Variants in PUDP observed in about 807,000 individuals in gnomAD.
PUDP encodes pseudouridine 5'-phosphatase.
In PUDP, 8 loss-of-function variants were observed where a neutral mutation model predicts 9.4. That is an observed-to-expected ratio of 0.85 (90% CI 0.50 to 1.53). The LOEUF (loss-of-function observed/expected upper bound fraction) is 1.53. Among genes scored for constraint, PUDP ranks in the 40% most tolerant of loss-of-function variants. PUDP has a pLI of 0.00. For missense variants in PUDP, 188 were observed against 189.7 expected, an observed-to-expected ratio of 0.99 and a Z score of 0.05; for synonymous variants, 99 against 80.7, an observed-to-expected ratio of 1.23 and a Z score of -1.22.
intron 1 of PUDP, among the ~76,000 whole-genome samples, chrX:7,138,375 A>AT (rs60028627): frequency 0.01 from 1,040 of 100,507 alleles, 8 homozygotes; most frequent in South Asian, 0.016. Context: ...TTAATCTAGT[A>AT]TTTTTTTTTT....
intron 3 of PUDP, among the ~76,000 whole-genome samples, chrX:6,825,961 C>T (rs1926417588): frequency 8.9e-6 from 1 of 111,878 alleles, no homozygotes; most frequent in South Asian, 3.7e-4. Context: ...TTTGGTCTTA[C>T]TTAGGAAAAC....
rs1030409388 is a variant in PUDP, at chrX:6,805,884, C to T, written c.*248-99418G>A. Reference sequence around the variant, plus strand: ...ATTTTGTATTTCATTTCAAGTGCCACGGTGGACCAAGGGTGAAGTTTGAGC... The same window carrying T: ...ATTTTGTATTTCATTTCAAGTGCCATGGTGGACCAAGGGTGAAGTTTGAGC... On this transcript the variant is annotated intron_variant and NMD_transcript_variant, in intron 3 of 3. Coordinates refer to the PUDP transcript ENST00000655425. Among the ~76,000 whole-genome samples the T allele has an allele frequency of 6.3e-5, 7 of 111,321 alleles. No individual in the cohort carries two copies. In the East Asian group the frequency reaches 2.0e-3, roughly 31 times the overall value.
intron 3 of PUDP, among the ~76,000 whole-genome samples, chrX:6,778,689 CG>C (rs1925507756): frequency 8.9e-6 from 1 of 111,928 alleles, no homozygotes; most frequent in South Asian, 3.7e-4. Context: ...CCGAGGAGGC[CG>C]GGGACCCCTG....
At chrX:6,940,596 T>C (rs998610536) in intron 3 of PUDP, among the ~76,000 whole-genome samples, 2 of 112,001 alleles carry the variant, frequency 1.8e-5, no homozygotes, top group Non-Finnish European at 1.9e-5. Context: ...CTCCAGACTT[T>C]GGCCCTGTAA....
intron 3 of PUDP, among the ~76,000 whole-genome samples, chrX:6,867,855 C>G (rs1927113560): frequency 9.0e-6 from 1 of 111,524 alleles, no homozygotes; most frequent in Admixed American, 9.5e-5. Flanking sequence ...ACACCAGTAT[C>G]TGGTGAGGAA....
chrX:6,902,775 G>C (rs769598228), intron 3 of PUDP, among the ~76,000 whole-genome samples: 1 of 111,693 alleles, frequency 9.0e-6, no homozygotes, highest in South Asian at 3.8e-4. Flanking sequence ...GGGGGGCCTG[G>C]TTTGCTTCAG....
intron 2 of PUDP, among the ~76,000 whole-genome samples, chrX:7,105,084 TG>T (rs1391866296): frequency 3.6e-5 from 4 of 111,491 alleles, no homozygotes; most frequent in African/African-American, 1.3e-4. Flanking sequence ...GGAACAAAGT[TG>T]TTTTTCCTTT....
chrX:7,010,229 T>G (rs760506969), intron 1 of PUDP, among the ~76,000 whole-genome samples: 1 of 111,768 alleles, frequency 8.9e-6, no homozygotes, highest in African/African-American at 3.3e-5. Flanking sequence ...TCATGAAGCA[T>G]CACTTCAATG....
intron 3 of PUDP, among the ~76,000 whole-genome samples, chrX:6,806,010 T>C (rs1303641981): frequency 2.7e-5 from 3 of 110,975 alleles, no homozygotes; most frequent in Non-Finnish European, 3.8e-5. Flanking sequence ...AAAGCCCCAA[T>C]AGGAAGGTTT....
At chrX:6,895,700 A>G (rs1268436947) in intron 3 of PUDP, among the ~76,000 whole-genome samples, 1 of 111,604 alleles carries the variant, frequency 9.0e-6, no homozygotes, top group Non-Finnish European at 1.9e-5. Context: ...AGTAGATCAA[A>G]TAGTTTTCCT....
Position 6,911,784 on chromosome X carries a change from T to C in PUDP, c.*247+65349A>G, listed in dbSNP as rs757230206. ...AGTTTCTAATTCAATTTCCATGTGG[T>C]CAAAGTGGCCTAATATGTCAATACT... is the stretch of plus-strand genomic sequence containing the variant. On this transcript the variant is annotated intron_variant and NMD_transcript_variant, in intron 3 of 3. Coordinates refer to the PUDP transcript ENST00000655425. Among the ~76,000 whole-genome samples the C allele has an allele frequency of 8.0e-5, 9 of 112,270 alleles. No homozygotes were observed. The East Asian group carries it at 2.5e-3, about 31-fold the overall frequency.
intron 1 of PUDP, among the ~76,000 whole-genome samples, chrX:6,710,003 A>G (rs1405728647): frequency 9.0e-6 from 1 of 111,238 alleles, no homozygotes; most frequent in Non-Finnish European, 1.9e-5. Flanking sequence ...GGCACCTGTA[A>G]TCTCAGCTAC....
intron 1 of PUDP, among the ~76,000 whole-genome samples, chrX:7,033,062 C>CAG (rs1455464132): frequency 9.0e-6 from 1 of 111,725 alleles, no homozygotes; most frequent in Admixed American, 9.5e-5. Flanking sequence ...TAAAAGCAGG[C>CAG]AGAGGAACGT....
chrX:6,877,229 G>C (rs1313008310), intron 3 of PUDP, among the ~76,000 whole-genome samples: 1 of 111,042 alleles, frequency 9.0e-6, no homozygotes, highest in Non-Finnish European at 1.9e-5. Flanking sequence ...CAAGCATTGG[G>C]ATTATAAGCA....
At chrX:6,877,881 C>G (rs1202842490) in intron 3 of PUDP, among the ~76,000 whole-genome samples, 1 of 111,789 alleles carries the variant, frequency 8.9e-6, no homozygotes, top group Non-Finnish European at 1.9e-5. Flanking sequence ...GGCTGAGTCG[C>G]TACTGTAGAG....
intron 1 of PUDP, among the ~76,000 whole-genome samples, chrX:6,716,567 T>C (rs2083897333): frequency 8.9e-6 from 1 of 111,918 alleles, no homozygotes; most frequent in Admixed American, 9.5e-5. Flanking sequence ...ATGATCTTTG[T>C]TCCCTTCTTT....
chrX:7,063,223 G>C (rs1299409042), intron 3 of PUDP, among the ~76,000 whole-genome samples: 1 of 111,809 alleles, frequency 8.9e-6, no homozygotes, highest in Non-Finnish European at 1.9e-5. Flanking sequence ...TGTCATTTTA[G>C]CAATTTATAG....
rs181813746 is a variant in PUDP, at chrX:6,903,844, C to A, written c.*247+73289G>T. On this transcript the variant is annotated intron_variant and NMD_transcript_variant, in intron 3 of 3. Transcript: ENST00000655425. ...GAAAAATTACCTATTGTGTACTATG[C>A]TCACTACCTGAGTAACAAGGTCATT... 2.7e-5 allele frequency among the ~76,000 whole-genome samples: 3 copies of A among 110,301 alleles called. No homozygotes were observed. In the East Asian group the frequency reaches 8.6e-4, roughly 31 times the overall value.
intron 3 of PUDP, among the ~76,000 whole-genome samples, chrX:6,840,624 G>A (rs1281752803): frequency 3.6e-5 from 4 of 111,669 alleles, no homozygotes. Context: ...GTGAAGCACA[G>A]AGGACTTTTA....
Sources: gnomAD v4.1 joint callset for allele counts (sites outside exome capture counted in the v4.1 genomes callset) on GRCh38, gnomAD v4.1.1 for gene constraint, MANE v1.5 for transcripts, NCBI Gene and HGNC (gene_info 2026-07-23, HGNC 2026-07-21) for gene names.